Variants in COBL observed in about 807,000 individuals in gnomAD.
COBL encodes the protein cordon-bleu WH2 repeat protein, also known as protein cordon-bleu.
COBL carries 51 observed loss-of-function variants against 98.8 expected under a neutral mutation model. The observed-to-expected ratio is 0.52, with a 90% CI of 0.41 to 0.65. COBL has a LOEUF of 0.65. COBL is among the 30% of genes least tolerant of loss of function. The pLI is 0.00. For missense variants in COBL, 1,617 were observed against 1,617.5 expected (o/e 1.00, Z 0.01); for synonymous variants, 634 against 651.7 (o/e 0.97, Z 0.41).
intron 6 of COBL, among the ~76,000 whole-genome samples, chr7:51,089,536 C>T (rs761588447): frequency 1.7e-4 from 26 of 152,046 alleles, no homozygotes; most frequent in Non-Finnish European, 2.6e-4. Flanking sequence ...AAAAACAAAA[C>T]ACTGTAGTCC....
At chr7:51,311,215 G>A (rs1339241252) in intron 1 of COBL, among the ~76,000 whole-genome samples, 2 of 152,114 alleles carry the variant, frequency 1.3e-5, no homozygotes, top group East Asian at 3.9e-4. Context: ...AATTGGACTT[G>A]GCCTATAGAA....
At chr7:51,054,294 C>T in intron 7 of COBL, among the ~76,000 whole-genome samples, 1 of 152,092 alleles carries the variant, frequency 6.6e-6, no homozygotes, top group Admixed American at 6.5e-5. Context: ...CTTTTATTTC[C>T]TTATGGACGG....
intron 6 of COBL, among the ~76,000 whole-genome samples, chr7:51,111,126 T>C (rs1355065799): frequency 6.6e-6 from 1 of 152,226 alleles, no homozygotes; most frequent in African/African-American, 2.4e-5. Context: ...TTGACTACTG[T>C]GAATAATGCT....
At chr7:51,172,591 C>T (rs1787984784) in intron 5 of COBL, 1 of 1,201,812 alleles carries the variant, frequency 8.3e-7, no homozygotes, top group Admixed American at 2.7e-5. Flanking sequence ...AAAACATAGT[C>T]CTTAGCGATC....
chr7:51,054,493 C>T (rs1790536394), intron 7 of COBL, among the ~76,000 whole-genome samples: 1 of 152,112 alleles, frequency 6.6e-6, no homozygotes, highest in African/African-American at 2.4e-5. Context: ...ACTGAAGCTA[C>T]TGTAACTTTT....
chr7:51,241,872 G>C (rs1417726605), intron 1 of COBL, among the ~76,000 whole-genome samples: 2 of 152,332 alleles, frequency 1.3e-5, no homozygotes, highest in African/African-American at 4.8e-5. Context: ...TAACACAGGT[G>C]AGGCAGGAGA....
chr7:51,156,738 AC>A lies in COBL; in HGVS notation c.784-20408del, dbSNP rs1230214857. 2.8e-4 allele frequency: 42 copies of A among 151,394 alleles called. No individual in the cohort carries two copies. In the South Asian group the frequency reaches 7.3e-3, roughly 26 times the overall value. 9.4% of individuals were successfully genotyped at this position (151,394 alleles called of 1,614,324 possible). ...CACACACACACACACACACACACACACACAATGAACTGTAGTTAAGGTGCAC... is the reference window on the plus strand; with the variant it reads ...CACACACACACACACACACACACACAACAATGAACTGTAGTTAAGGTGCAC... On this transcript the variant is annotated intron_variant, in intron 5 of 12. Coordinates refer to ENST00000265136, the MANE Select transcript of COBL (RefSeq NM_015198.5).
At chr7:51,022,937 T>C (rs574029129) in intron 12 of COBL, 3 of 152,316 alleles carry the variant, frequency 2.0e-5, no homozygotes, top group Non-Finnish European at 2.9e-5. Flanking sequence ...CTGAAAAATG[T>C]GATTCAAGAT....
intron 5 of COBL, among the ~76,000 whole-genome samples, chr7:51,161,039 C>A (rs1786749225): frequency 6.6e-6 from 1 of 152,090 alleles, no homozygotes; most frequent in Admixed American, 6.5e-5. Flanking sequence ...AAAAATATCT[C>A]TACACAACTG....
chr7:51,173,968 T>C (rs1788120964), intron 5 of COBL, among the ~76,000 whole-genome samples: 1 of 152,142 alleles, frequency 6.6e-6, no homozygotes, highest in Non-Finnish European at 1.5e-5. Context: ...TCCTTTAAGG[T>C]GATGTAGTAA....
chr7:51,257,948 T>A (rs1288438493), intron 1 of COBL, among the ~76,000 whole-genome samples: 1 of 152,202 alleles, frequency 6.6e-6, no homozygotes, highest in Non-Finnish European at 1.5e-5. Flanking sequence ...AAATTAAACT[T>A]TAAAGCTAAG....
At chr7:51,247,775 T>G (rs1182440194) in intron 1 of COBL, among the ~76,000 whole-genome samples, 2 of 152,100 alleles carry the variant, frequency 1.3e-5, no homozygotes, top group Admixed American at 6.6e-5. Flanking sequence ...ATCAGCTGAG[T>G]TACTGCTGAA....
chr7:51,282,471 G>A (rs1321555070), intron 1 of COBL, among the ~76,000 whole-genome samples: 2 of 151,932 alleles, frequency 1.3e-5, no homozygotes, highest in Admixed American at 6.6e-5. Flanking sequence ...AAAATTACCA[G>A]GGATAAAGAG....
chr7:51,073,248 C>A, intron 7 of COBL: 1 of 585,180 alleles, frequency 1.7e-6, no homozygotes, highest in South Asian at 2.1e-5. Flanking sequence ...ACAATGAGCC[C>A]TTTTATCCTG....
At chr7:51,315,437 A>G (rs907117417) in intron 1 of COBL, among the ~76,000 whole-genome samples, 4 of 152,242 alleles carry the variant, frequency 2.6e-5, no homozygotes, top group Middle Eastern at 3.2e-3. Flanking sequence ...GCCTATGGGC[A>G]CATGGGCAGG....
At chr7:51,218,613 A>G (rs992744671) in intron 2 of COBL, among the ~76,000 whole-genome samples, 1 of 152,154 alleles carries the variant, frequency 6.6e-6, no homozygotes, top group Non-Finnish European at 1.5e-5. Context: ...AGCTGGGACT[A>G]CAGGCATGCA....
At position 51,313,424 on chromosome 7, in the gene COBL, A is replaced by C. The variant is rs547651119; in HGVS notation, c.41+3169T>G. 2.0e-5 allele frequency among the ~76,000 whole-genome samples: 3 copies of C among 152,330 alleles called. No homozygotes were observed. In the South Asian group the frequency reaches 6.2e-4, roughly 32 times the overall value. On this transcript the variant is annotated intron_variant, in intron 1 of 12. Transcript: ENST00000265136. ...TTTAAAATTTCTTTTGGTTCTAATA[A>C]CTTGATTAAATAAATATAAATTTAT...
intron 5 of COBL, among the ~76,000 whole-genome samples, chr7:51,159,024 T>C (rs1001472430): frequency 1.3e-5 from 2 of 152,142 alleles, no homozygotes; most frequent in African/African-American, 4.8e-5. Flanking sequence ...ACCCTGTCTA[T>C]AGTCCACTTC....
chr7:51,039,869 C>A (rs558028715), intron 8 of COBL, among the ~76,000 whole-genome samples: 1 of 152,296 alleles, frequency 6.6e-6, no homozygotes, highest in Admixed American at 6.5e-5. Context: ...ATCTAGATTT[C>A]TGGCTTCTCT....
Sources: gnomAD v4.1 joint callset for allele counts (sites outside exome capture counted in the v4.1 genomes callset) on GRCh38, gnomAD v4.1.1 for gene constraint, MANE v1.5 for transcripts, NCBI Gene and HGNC (gene_info 2026-07-23, HGNC 2026-07-21) for gene names.